The following NNT variants were observed in gnomAD, a reference collection of about 807,000 sequenced individuals.
NNT encodes NAD(P) transhydrogenase, mitochondrial.
Under a neutral mutation model 104.8 loss-of-function variants are expected in NNT, and 50 were observed. The ratio of observed to expected loss-of-function variants is 0.48; its 90% CI spans 0.38 to 0.60. The LOEUF is 0.60. NNT is among the 20% of genes least tolerant of loss of function. The pLI is 0.00. For missense variants in NNT, 1,131 were observed against 1,330.7 expected (o/e 0.85, Z 2.33); for synonymous variants, 461 against 490.4 (o/e 0.94, Z 0.79).
intron 17 of NNT, among the ~76,000 whole-genome samples, chr5:43,674,095 G>C (rs946331983): frequency 7.9e-5 from 12 of 151,796 alleles, no homozygotes; most frequent in African/African-American, 2.7e-4. Context: ...AGACATTTCA[G>C]GTTTTATTTT....
intron 15 of NNT, 106 bp downstream of exon 15, chr5:43,656,179 A>C: frequency 5.2e-6 from 5 of 953,978 alleles, no homozygotes; most frequent in Non-Finnish European, 6.3e-6. Context: ...GCAATGGCTC[A>C]TGCCTGCAAT....
At chr5:43,630,539 T>A (rs1346143610) in intron 7 of NNT, among the ~76,000 whole-genome samples, 1 of 152,246 alleles carries the variant, frequency 6.6e-6, no homozygotes, top group African/African-American at 2.4e-5. Flanking sequence ...TTATTTCCTT[T>A]GACATGTTTT....
intron 17 of NNT, among the ~76,000 whole-genome samples, chr5:43,659,828 A>G (rs897786529): frequency 1.3e-5 from 2 of 152,238 alleles, no homozygotes; most frequent in African/African-American, 4.8e-5. Context: ...AAGGTACCCA[A>G]CTGTAAATAA....
chr5:43,656,621 C>T lies in NNT; in HGVS notation c.2294-32C>T, dbSNP rs373117294. On this transcript the variant is annotated intron_variant, in intron 15 of 21. Coordinates refer to ENST00000344920, the MANE Select transcript of NNT (RefSeq NM_182977.3). ...TTTATGTATTTTCTTACAACACATTCTGAATTGTAACTACTATGTGCTTGG... is the reference window on the plus strand; with the variant it reads ...TTTATGTATTTTCTTACAACACATTTTGAATTGTAACTACTATGTGCTTGG... The T allele has an allele frequency of 3.2e-6, 5 of 1,561,286 alleles. No individual in the cohort carries two copies. In the African/African-American group the frequency reaches 6.8e-5, roughly 21 times the overall value.
intron 18 of NNT, among the ~76,000 whole-genome samples, chr5:43,676,613 T>C (rs894714940): frequency 6.6e-6 from 1 of 152,178 alleles, no homozygotes; most frequent in African/African-American, 2.4e-5. Flanking sequence ...TGCTGCATAA[T>C]GAATCATCAC....
intron 17 of NNT, among the ~76,000 whole-genome samples, chr5:43,668,996 A>T (rs1391460313): frequency 6.6e-6 from 1 of 152,174 alleles, no homozygotes; most frequent in Non-Finnish European, 1.5e-5. Flanking sequence ...GGTCCTTCAC[A>T]TCCCTTGTAA....
chr5:43,689,231 C>A (rs1260844699), intron 19 of NNT, among the ~76,000 whole-genome samples: 1 of 151,958 alleles, frequency 6.6e-6, no homozygotes, highest in African/African-American at 2.4e-5. Flanking sequence ...TAGATGGGAT[C>A]GTTTGTTTTA....
chr5:43,655,710 A>T, intron 14 of NNT, 130 bp from the exon 15 acceptor site: 2 of 681,590 alleles, frequency 2.9e-6, no homozygotes, highest in Middle Eastern at 3.6e-4. Context: ...TGTAGAGAAT[A>T]TTTAGCCCGT....
intron 14 of NNT, 172 bp downstream of exon 14, chr5:43,653,385 A>C (rs1739867890): frequency 9.8e-6 from 6 of 613,008 alleles, no homozygotes; most frequent in Non-Finnish European, 1.7e-5. Context: ...TACATTTTAG[A>C]ACACTGAATA....
intron 17 of NNT, among the ~76,000 whole-genome samples, chr5:43,664,329 A>G (rs1231469767): frequency 6.6e-6 from 1 of 152,184 alleles, no homozygotes; most frequent in Non-Finnish European, 1.5e-5. Flanking sequence ...TTCAGATCGA[A>G]TTTTCTGATT....
chr5:43,655,662 C>G (rs954474942), intron 14 of NNT, among the ~76,000 whole-genome samples, 178 bp from the exon 15 acceptor site: 2 of 152,106 alleles, frequency 1.3e-5, no homozygotes, highest in Non-Finnish European at 2.9e-5. Flanking sequence ...GATACTCAAC[C>G]TGTATACAAC....
intron 1 of NNT, among the ~76,000 whole-genome samples, chr5:43,606,607 A>G (rs764156194): frequency 6.6e-6 from 1 of 152,186 alleles, no homozygotes; most frequent in Non-Finnish European, 1.5e-5. Context: ...GCCAAAACAC[A>G]TCTTGCATTC....
At chr5:43,677,912 C>T (rs542611854) in intron 19 of NNT, 106 bp downstream of exon 19, 52 of 821,988 alleles carry the variant, frequency 6.3e-5, no homozygotes, top group African/African-American at 3.2e-4. Flanking sequence ...GGCACTGACC[C>T]GCCCATACAA....
At chr5:43,623,205 A>G in intron 5 of NNT, among the ~76,000 whole-genome samples, 1 of 152,190 alleles carries the variant, frequency 6.6e-6, no homozygotes, top group Non-Finnish European at 1.5e-5. Context: ...ACATGTGGGC[A>G]TGATGGGTGG....
chr5:43,705,790 T>TGTGTGC lies in NNT; in HGVS notation c.*1387_*1388insTGTGCG, dbSNP rs1428527483. ...CTGTGTATGTGTGTGTGTGTGTGTG[T>TGTGTGC]GCGTTTGTGTGTTAAAGCAGAAAAG... On this transcript the variant is annotated 3_prime_UTR_variant, in exon 22 of 22. Coordinates refer to ENST00000344920, the MANE Select transcript of NNT (RefSeq NM_182977.3). 4.3e-4 allele frequency: 66 copies of TGTGTGC among 152,090 alleles called. 1 individual carries two copies. Among genetic ancestry groups the TGTGTGC allele is most frequent in the African/African-American group, 1.4e-3 (58 of 41,494 alleles). 9.4% of individuals were successfully genotyped at this position (152,090 alleles called of 1,614,324 possible). A position where few individuals can be genotyped will look rare whatever the true frequency, so the allele number is the denominator to read the frequency against.
chr5:43,672,857 G>A (rs1213682521), intron 17 of NNT, among the ~76,000 whole-genome samples: 1 of 152,236 alleles, frequency 6.6e-6, no homozygotes, highest in African/African-American at 2.4e-5. Context: ...GCTGCCTTTT[G>A]TTCGGCTATG....
At chr5:43,643,528 A>C (rs1408167101) in intron 7 of NNT, among the ~76,000 whole-genome samples, 1 of 152,198 alleles carries the variant, frequency 6.6e-6, no homozygotes, top group East Asian at 1.9e-4. Flanking sequence ...CCAGGCATAG[A>C]TAGGGCTTGA....
chr5:43,700,828 C>A (rs141901739), intron 20 of NNT, among the ~76,000 whole-genome samples: 1 of 152,210 alleles, frequency 6.6e-6, no homozygotes, highest in Non-Finnish European at 1.5e-5. Context: ...TTCCCTCTGG[C>A]AAATATCCAC....
At chr5:43,642,355 C>T (rs933897262) in intron 7 of NNT, among the ~76,000 whole-genome samples, 15 of 152,156 alleles carry the variant, frequency 9.9e-5, no homozygotes, top group Admixed American at 8.5e-4. Flanking sequence ...GAATAGTCCT[C>T]AGATGGATGT....
Sources: allele counts gnomAD v4.1 joint callset (sites outside exome capture counted in the v4.1 genomes callset), GRCh38; gene constraint gnomAD v4.1.1; transcripts MANE v1.5; gene names NCBI Gene and HGNC (gene_info 2026-07-23, HGNC 2026-07-21).